Variants in RPH3A observed in about 807,000 individuals in gnomAD.
RPH3A encodes the protein rabphilin 3A, also known as rabphilin-3A.
In RPH3A, 48 loss-of-function variants were observed where a neutral mutation model predicts 102.2. The ratio of observed to expected loss-of-function variants is 0.47; its 90% CI spans 0.37 to 0.60. The LOEUF (loss-of-function observed/expected upper bound fraction) is 0.60, where lower values mean the gene tolerates loss of function less well. Among genes scored for constraint, RPH3A ranks in the 20% least tolerant of loss-of-function variants. The pLI is 0.00. For missense variants in RPH3A, 781 were observed against 910.1 expected, an observed-to-expected ratio of 0.86 and a Z score of 1.83; for synonymous variants, 310 against 324.3, an observed-to-expected ratio of 0.96 and a Z score of 0.47.
chr12:112,599,686 T>C (rs906381860), intron 1 of RPH3A, among the ~76,000 whole-genome samples: 3 of 152,364 alleles, frequency 2.0e-5, no homozygotes, highest in East Asian at 1.9e-4. Context: ...AGAAAATGTA[T>C]GCTTGTTGAA....
chr12:112,624,512 G>A (rs1228722241), intron 1 of RPH3A, among the ~76,000 whole-genome samples: 1 of 149,256 alleles, frequency 6.7e-6, no homozygotes, highest in Non-Finnish European at 1.5e-5. Flanking sequence ...CCAGGAAGAA[G>A]TTGAATCTCT....
At chr12:112,667,908 G>A (rs929991861) in intron 1 of RPH3A, among the ~76,000 whole-genome samples, 4 of 152,092 alleles carry the variant, frequency 2.6e-5, no homozygotes, top group Admixed American at 6.6e-5. Context: ...GCCTGAGAAG[G>A]AACTAATAAA....
chr12:112,676,243 G>A (rs2040173380), intron 1 of RPH3A, among the ~76,000 whole-genome samples: 1 of 151,786 alleles, frequency 6.6e-6, no homozygotes, highest in Admixed American at 6.6e-5. Flanking sequence ...GGGTAGACAG[G>A]GGTCCCAGGC....
intron 3 of RPH3A, among the ~76,000 whole-genome samples, chr12:112,830,794 G>GT (rs370504452): frequency 1.3e-3 from 186 of 148,020 alleles, no homozygotes; most frequent in South Asian, 7.9e-3. Context: ...GCTTTCTTTA[G>GT]TTTTTTTTTT....
intron 1 of RPH3A, among the ~76,000 whole-genome samples, chr12:112,618,440 C>A (rs532355454): frequency 6.6e-6 from 1 of 152,294 alleles, no homozygotes; most frequent in South Asian, 2.1e-4. Context: ...TGACCCTCCC[C>A]CTTAGAAGGC....
intron 3 of RPH3A, among the ~76,000 whole-genome samples, chr12:112,832,573 G>C (rs567366849): frequency 3.9e-5 from 6 of 152,254 alleles, no homozygotes; most frequent in African/African-American, 1.4e-4. Flanking sequence ...CAGGAACTGT[G>C]GCTCACACCT....
chr12:112,606,711 T>G (rs1592903854), intron 1 of RPH3A, among the ~76,000 whole-genome samples: 1 of 151,970 alleles, frequency 6.6e-6, no homozygotes, highest in Non-Finnish European at 1.5e-5. Context: ...TGGTGGAAGG[T>G]GAAGGGGAAG....
At chr12:112,828,226 C>G in intron 2 of RPH3A, 75 bp from the exon 3 acceptor site, 1 of 978,300 alleles carries the variant, frequency 1.0e-6, no homozygotes, top group East Asian at 2.5e-5. Context: ...GGGTGTGTGG[C>G]ATAAAGCAGG....
At chr12:112,841,173 T>TAAAAAAAAAAAAAAAAAAAAAAAAAAAAA (rs11447068) in intron 4 of RPH3A, among the ~76,000 whole-genome samples, 7 of 33,360 alleles carry the variant, frequency 2.1e-4, no homozygotes, top group African/African-American at 4.2e-4. Flanking sequence ...CCTTGTTTCT[T>TAAAAAAAAAAAAAAAAAAAAAAAAAAAAA]AAAAAAAAAA....
chr12:112,856,484 ATG>A (rs3837520), intron 5 of RPH3A, among the ~76,000 whole-genome samples: 59,533 of 149,188 alleles, frequency 0.4, 12,849 homozygotes, highest in African/African-American at 0.55. Flanking sequence ...ACACATGTGC[ATG>A]TGTGTGTGTG....
In RPH3A at chr12:112,898,158, C is replaced by T. The variant is rs1287866917; in HGVS notation, c.*1378C>T. On this transcript the variant is annotated 3_prime_UTR_variant, in exon 22 of 22. Transcript: ENST00000389385. ...ATGGCTATGGAACAGTAGAGAGAGA[C>T]AGGCCTGATGCCAAAGGCTTTGGGC... 1 of 152,198 alleles carries T rather than the reference C, an allele frequency of 6.6e-6. No individual in the cohort carries two copies. The highest frequency in any genetic ancestry group is 1.5e-5 in the Non-Finnish European group (1 of 68,032). The allele number at this position is 152,198 out of a possible 1,614,324, so 9.4% of individuals were successfully genotyped here. A position where few individuals can be genotyped will look rare whatever the true frequency, so the allele number is the denominator to read the frequency against.
At chr12:112,726,102 T>C (rs1321767610) in intron 1 of RPH3A, among the ~76,000 whole-genome samples, 3 of 145,600 alleles carry the variant, frequency 2.1e-5, no homozygotes, top group African/African-American at 2.5e-5. Context: ...GCCTTTTTTT[T>C]CGGGGGGGTG....
intron 2 of RPH3A, among the ~76,000 whole-genome samples, chr12:112,804,325 C>T (rs148916907): frequency 1.1e-3 from 161 of 152,284 alleles, no homozygotes; most frequent in African/African-American, 3.5e-3. Flanking sequence ...GGATCCTTCC[C>T]GGTGGATCCC....
intron 1 of RPH3A, among the ~76,000 whole-genome samples, chr12:112,712,507 T>C (rs554679317): frequency 9.9e-5 from 15 of 152,184 alleles, no homozygotes; most frequent in Non-Finnish European, 2.1e-4. Flanking sequence ...GTGTAAAGAA[T>C]AACATAATGA....
intron 4 of RPH3A, among the ~76,000 whole-genome samples, chr12:112,838,010 T>G (rs892622683): frequency 6.6e-6 from 1 of 151,884 alleles, no homozygotes; most frequent in Non-Finnish European, 1.5e-5. Context: ...AGTATAAAGA[T>G]ATGTCTAGTG....
chr12:112,630,552 G>T (rs1384135398), intron 1 of RPH3A, among the ~76,000 whole-genome samples: 1 of 152,196 alleles, frequency 6.6e-6, no homozygotes, highest in Non-Finnish European at 1.5e-5. Flanking sequence ...TGCCCTAGGG[G>T]TAGGTTAGGG....
At chr12:112,739,016 C>T (rs1222660275) in intron 1 of RPH3A, among the ~76,000 whole-genome samples, 2 of 152,140 alleles carry the variant, frequency 1.3e-5, no homozygotes, top group Non-Finnish European at 2.9e-5. Context: ...TGCAGGATCT[C>T]CAGGTATTCC....
intron 1 of RPH3A, among the ~76,000 whole-genome samples, chr12:112,777,090 A>T (rs2040973770): frequency 6.6e-6 from 1 of 152,068 alleles, no homozygotes; most frequent in Admixed American, 6.5e-5. Context: ...GAAAGGAAGA[A>T]TTAAGGCCAT....
At chr12:112,761,177 T>C (rs1433770021) in intron 1 of RPH3A, among the ~76,000 whole-genome samples, 8 of 152,210 alleles carry the variant, frequency 5.3e-5, no homozygotes, top group Admixed American at 5.2e-4. Flanking sequence ...TAAGTGATTC[T>C]GATTCACAGA....
Sources: allele counts gnomAD v4.1 joint callset (sites outside exome capture counted in the v4.1 genomes callset), GRCh38; gene constraint gnomAD v4.1.1; transcripts MANE v1.5; gene names NCBI Gene and HGNC (gene_info 2026-07-23, HGNC 2026-07-21).